The following HIRA variants were observed in gnomAD, a reference collection of about 807,000 sequenced individuals.
The protein encoded by HIRA is histone cell cycle regulator.
In HIRA, 13 loss-of-function variants were observed where a neutral mutation model predicts 126.6. The ratio of observed to expected loss-of-function variants is 0.10; its 90% CI spans 0.07 to 0.16. HIRA has a LOEUF of 0.16. HIRA is among the 10% of genes least tolerant of loss of function. The probability of loss-of-function intolerance (pLI) is 1.00; values close to 1 mark genes in which losing one functional copy is unlikely to be tolerated. For synonymous variants in HIRA, 511 were observed against 520.0 expected (o/e 0.98, Z 0.24); for missense variants, 834 against 1,314.4 (o/e 0.63, Z 5.65).
intron 5 of HIRA, among the ~76,000 whole-genome samples, chr22:19,401,263 T>G (rs775122628): frequency 5.3e-5 from 8 of 152,152 alleles, no homozygotes; most frequent in Non-Finnish European, 1.2e-4. Flanking sequence ...ACGCTGCCTG[T>G]TCCCCTCTCC....
Position 19,330,984 on chromosome 22 carries a change from C to T in HIRA, c.*456G>A, listed in dbSNP as rs941004011. 7 of 312,790 alleles carry T rather than the reference C, an allele frequency of 2.2e-5. No individual in the cohort carries two copies. The highest frequency in any genetic ancestry group is 4.7e-5 in the Admixed American group (1 of 21,282). The allele number at this position is 312,790 out of a possible 1,614,324, so 19.4% of individuals were successfully genotyped here. On this transcript the variant is annotated 3_prime_UTR_variant, in exon 25 of 25. Coordinates refer to ENST00000263208, the MANE Select transcript of HIRA (RefSeq NM_003325.4). ...AGCAAATTCTAGTACAAAAATAGTC[C>T]GTGTGTTGGAACAGCTTTCCTTTTA...
Position 19,431,565 on chromosome 22 carries a change from G to T in HIRA, c.-89C>A. 1 of 999,234 alleles carries T rather than the reference G, an allele frequency of 1.0e-6. No individual in the cohort carries two copies. 61.9% of individuals were successfully genotyped at this position (999,234 alleles called of 1,614,324 possible). On this transcript the variant is annotated 5_prime_UTR_variant, in exon 1 of 25. Coordinates refer to ENST00000263208, the MANE Select transcript of HIRA (RefSeq NM_003325.4). ...GGAGCCACCGCCGCCGCTTCCTCCC[G>T]CGCCACCCGCCCTCCGGCCGCCGCC... is the stretch of plus-strand genomic sequence containing the variant.
At chr22:19,421,735 G>C (rs186469809) in intron 1 of HIRA, among the ~76,000 whole-genome samples, 1 of 152,080 alleles carries the variant, frequency 6.6e-6, no homozygotes, top group Non-Finnish European at 1.5e-5. Context: ...GCAGTGATGC[G>C]ACCTCAGCTC....
chr22:19,408,418 A>AT, intron 3 of HIRA, 65 bp downstream of exon 3: 1 of 1,025,168 alleles, frequency 9.8e-7, no homozygotes, highest in South Asian at 1.3e-5. Flanking sequence ...CTAATTACAA[A>AT]CACATGTGCT....
intron 14 of HIRA, 117 bp from the exon 15 acceptor site, chr22:19,375,909 A>C (rs2089014183): frequency 1.9e-6 from 2 of 1,078,512 alleles, no homozygotes; most frequent in East Asian, 2.6e-5. Context: ...TTCCATAAAC[A>C]CAAAAAATGT....
intron 1 of HIRA, among the ~76,000 whole-genome samples, chr22:19,427,789 A>G (rs1236995638): frequency 1.3e-5 from 2 of 152,230 alleles, no homozygotes; most frequent in Non-Finnish European, 2.9e-5. Context: ...AAAGGCCCAG[A>G]GTTGGGAAGA....
intron 5 of HIRA, among the ~76,000 whole-genome samples, chr22:19,401,930 T>C (rs1278806278): frequency 6.6e-6 from 1 of 152,218 alleles, no homozygotes; most frequent in African/African-American, 2.4e-5. Flanking sequence ...GAAGAGCCTC[T>C]GCCACGGTCT....
intron 4 of HIRA, 24 bp downstream of exon 4, chr22:19,407,160 T>C: frequency 6.3e-7 from 1 of 1,583,760 alleles, no homozygotes. Context: ...AAATAAAATG[T>C]GAAGAAAGGA....
At chr22:19,401,137 T>C (rs532732565) in intron 5 of HIRA, among the ~76,000 whole-genome samples, 10 of 152,196 alleles carry the variant, frequency 6.6e-5, no homozygotes, top group African/African-American at 2.2e-4. Context: ...CAATGACACC[T>C]TTGGCCCAAT....
chr22:19,410,247 C>T (rs536496404), intron 2 of HIRA, among the ~76,000 whole-genome samples: 2 of 152,242 alleles, frequency 1.3e-5, no homozygotes, highest in African/African-American at 4.8e-5. Context: ...GGCTTTCTTA[C>T]TTGCCCACAG....
At chr22:19,414,622 A>G (rs1275939967) in intron 1 of HIRA, among the ~76,000 whole-genome samples, 1 of 152,258 alleles carries the variant, frequency 6.6e-6, no homozygotes, top group Non-Finnish European at 1.5e-5. Flanking sequence ...CACTTCCTGC[A>G]CTGCCCAATA....
intron 11 of HIRA, among the ~76,000 whole-genome samples, chr22:19,386,246 G>A (rs774975039): frequency 6.6e-6 from 1 of 152,154 alleles, no homozygotes; most frequent in Non-Finnish European, 1.5e-5. Context: ...GCAGGGCTGG[G>A]GAGCCTCCTT....
At chr22:19,376,007 C>T (rs1260175763) in intron 14 of HIRA, among the ~76,000 whole-genome samples, 7 of 152,192 alleles carry the variant, frequency 4.6e-5, no homozygotes, top group African/African-American at 1.7e-4. Context: ...AATGCATTCA[C>T]ATTTCCCCCT....
chr22:19,396,314 G>A (rs970827985), intron 7 of HIRA, among the ~76,000 whole-genome samples: 46 of 152,114 alleles, frequency 3.0e-4, no homozygotes, highest in African/African-American at 1.1e-3. Flanking sequence ...TCAGGAGTTC[G>A]AGACCAGCCT....
chr22:19,381,705 C>T (rs1601832302), intron 13 of HIRA, among the ~76,000 whole-genome samples: 1 of 152,200 alleles, frequency 6.6e-6, no homozygotes. Flanking sequence ...TTTGCACTGA[C>T]ATTCAGAAAT....
At chr22:19,337,671 A>C (rs1281934697) in intron 24 of HIRA, among the ~76,000 whole-genome samples, 2 of 152,160 alleles carry the variant, frequency 1.3e-5, no homozygotes, top group Non-Finnish European at 2.9e-5. Context: ...ACACCTGGGA[A>C]ATTTATCACA....
intron 1 of HIRA, among the ~76,000 whole-genome samples, chr22:19,411,460 A>C (rs1217771279): frequency 6.6e-6 from 1 of 152,154 alleles, no homozygotes; most frequent in Non-Finnish European, 1.5e-5. Flanking sequence ...AGACCGGCAA[A>C]AGCACTGTAG....
intron 5 of HIRA, among the ~76,000 whole-genome samples, chr22:19,403,772 A>G (rs1448327839): frequency 6.6e-6 from 1 of 152,026 alleles, no homozygotes; most frequent in African/African-American, 2.4e-5. Flanking sequence ...CCTGGCTTAT[A>G]TCTTCCTTTC....
chr22:19,390,050 T>C (rs1349746210), intron 9 of HIRA, among the ~76,000 whole-genome samples: 1 of 151,918 alleles, frequency 6.6e-6, no homozygotes, highest in Non-Finnish European at 1.5e-5. Context: ...TTTAAATATA[T>C]TGGCACCTTG....
Sources: gnomAD v4.1 joint callset for allele counts (sites outside exome capture counted in the v4.1 genomes callset) on GRCh38, gnomAD v4.1.1 for gene constraint, MANE v1.5 for transcripts, NCBI Gene and HGNC (gene_info 2026-07-23, HGNC 2026-07-21) for gene names.